INPP4B: variants seen among roughly 807,000 people sequenced by gnomAD.
The protein encoded by INPP4B is inositol polyphosphate 4-phosphatase type II.
Under a neutral mutation model 122.5 loss-of-function variants are expected in INPP4B, and 55 were observed. The ratio of observed to expected loss-of-function variants is 0.45; its 90% CI spans 0.36 to 0.56. The LOEUF (loss-of-function observed/expected upper bound fraction) is 0.56, where lower values mean the gene tolerates loss of function less well. Ranked by LOEUF, INPP4B falls within the 20% of genes least tolerant of loss-of-function variation. The pLI is 0.00. For synonymous variants in INPP4B, 403 were observed against 388.7 expected, an observed-to-expected ratio of 1.04 and a Z score of -0.43; for missense variants, 1,000 against 1,097.7, an observed-to-expected ratio of 0.91 and a Z score of 1.26.
chr4:142,145,785 G>A (rs1347528019), intron 18 of INPP4B, 55 bp downstream of exon 18: 30 of 1,518,794 alleles, frequency 2.0e-5, no homozygotes, highest in East Asian at 9.0e-5. Flanking sequence ...TTTTTTTCAC[G>A]AGTTTCTCAT....
intron 2 of INPP4B, among the ~76,000 whole-genome samples, chr4:142,571,210 C>A (rs183989175): frequency 1.3e-5 from 2 of 151,740 alleles, no homozygotes; most frequent in Non-Finnish European, 2.9e-5. Context: ...TTATTTTTCT[C>A]TTCTCTTCCT....
At chr4:142,775,485 G>GTTCCCTTCCC (rs76024571) in intron 1 of INPP4B, among the ~76,000 whole-genome samples, 3 of 136,078 alleles carry the variant, frequency 2.2e-5, no homozygotes, top group Admixed American at 7.7e-5. Context: ...TGCATATTTT[G>GTTCCCTTCCC]TTCCCTTCCC....
intron 9 of INPP4B, among the ~76,000 whole-genome samples, chr4:142,278,984 C>T (rs1749930614): frequency 6.6e-6 from 1 of 151,830 alleles, no homozygotes; most frequent in African/African-American, 2.4e-5. Context: ...ACAGGTTTCA[C>T]AGGACACAAG....
intron 1 of INPP4B, among the ~76,000 whole-genome samples, chr4:142,782,131 C>G (rs568048271): frequency 7.2e-5 from 11 of 152,084 alleles, no homozygotes; most frequent in East Asian, 5.8e-4. Flanking sequence ...ATCCCTCCCC[C>G]CTTCCCACAC....
intron 21 of INPP4B, among the ~76,000 whole-genome samples, chr4:142,118,068 T>G (rs920016747): frequency 6.6e-6 from 1 of 152,066 alleles, no homozygotes; most frequent in Non-Finnish European, 1.5e-5. Flanking sequence ...ATAAAATAAC[T>G]AGGAATCCAA....
At chr4:142,257,592 A>C (rs76512849) in intron 11 of INPP4B, among the ~76,000 whole-genome samples, 22,354 of 151,960 alleles carry the variant, frequency 0.15, 1,708 homozygotes, top group South Asian at 0.26. Context: ...TCATGAGTGA[A>C]CTCCCATTCA....
chr4:142,527,065 T>C (rs1445963856), intron 2 of INPP4B, among the ~76,000 whole-genome samples: 4 of 152,020 alleles, frequency 2.6e-5, no homozygotes, highest in Non-Finnish European at 5.9e-5. Flanking sequence ...AAACTGCCTA[T>C]TAATTTTGTA....
At chr4:142,450,631 T>C (rs1267012972) in intron 3 of INPP4B, among the ~76,000 whole-genome samples, 2 of 152,236 alleles carry the variant, frequency 1.3e-5, no homozygotes, top group Non-Finnish European at 2.9e-5. Flanking sequence ...GACGTTTATG[T>C]GCCATGCTCT....
At chr4:142,064,741 A>G (rs1347948029) in intron 25 of INPP4B, among the ~76,000 whole-genome samples, 1 of 152,192 alleles carries the variant, frequency 6.6e-6, no homozygotes, top group Non-Finnish European at 1.5e-5. Context: ...AAATAAAACT[A>G]TTAGTGTTAT....
chr4:142,497,354 A>G (rs1223433143), intron 2 of INPP4B, among the ~76,000 whole-genome samples: 6 of 152,164 alleles, frequency 3.9e-5, no homozygotes, highest in African/African-American at 1.4e-4. Context: ...CATTCATTAA[A>G]ACCAATTTTT....
rs1736533650 is a variant in INPP4B, at chr4:142,024,797, G to C, written c.*3985C>G. The C allele has an allele frequency of 6.6e-6, 1 of 152,100 alleles. No individual in the cohort carries two copies. The highest frequency in any genetic ancestry group is 2.4e-5 in the African/African-American group (1 of 41,424). The allele number at this position is 152,100 out of a possible 1,614,324, so 9.4% of individuals were successfully genotyped here. ...GTGAAGTACATTTTTAGTGATATCT[G>C]ATTGGGCTAACAGTTCCCTGAATTT... On this transcript the variant is annotated 3_prime_UTR_variant, in exon 26 of 26. Transcript: ENST00000262992.
intron 1 of INPP4B, among the ~76,000 whole-genome samples, chr4:142,823,436 G>A (rs1378874751): frequency 6.6e-6 from 1 of 152,040 alleles, no homozygotes; most frequent in Non-Finnish European, 1.5e-5. Context: ...TAAAAATACT[G>A]CAAGAATATA....
rs1857370050 is a variant in INPP4B at position 142,237,922 on chromosome 4, G to T, written c.778C>A (p.Leu260Ile). The T allele has an allele frequency of 6.3e-7, 1 of 1,583,310 alleles. No homozygotes were observed. The highest frequency in any genetic ancestry group is 8.7e-7 in the Non-Finnish European group (1 of 1,155,254). ...AATTCCTTAGGAATATGAAAGGAAA[G>T]AATGCTCTCTGACATCTGCTCTCGA... The part of the protein sequence containing the change: ...RIREQMSESI[L>I]SFHIPKELIS... The change falls in exon 12 of 26, where the codon CTT (leucine) becomes ATT (isoleucine). Residue 260 changes from leucine (L) to isoleucine (I), a missense_variant. Physicochemically the swap from Leu to Ile is conservative, Grantham distance 5. Coordinates refer to ENST00000262992, the MANE Select transcript of INPP4B (RefSeq NM_001101669.3).
At chr4:142,475,448 C>G (rs1580161398) in intron 2 of INPP4B, among the ~76,000 whole-genome samples, 1 of 151,954 alleles carries the variant, frequency 6.6e-6, no homozygotes, top group Non-Finnish European at 1.5e-5. Context: ...CTTCTTACCT[C>G]TAAACAACCA....
chr4:142,419,879 T>C (rs1243562244), intron 5 of INPP4B, among the ~76,000 whole-genome samples: 1 of 152,066 alleles, frequency 6.6e-6, no homozygotes, highest in Non-Finnish European at 1.5e-5. Flanking sequence ...CCAACCCTGG[T>C]GGCTTTTGAT....
intron 2 of INPP4B, among the ~76,000 whole-genome samples, chr4:142,632,381 A>G (rs1424716507): frequency 3.3e-5 from 5 of 152,166 alleles, no homozygotes; most frequent in Non-Finnish European, 7.3e-5. Flanking sequence ...GTAGGAGTTA[A>G]GAAAGTAGAT....
At position 142,332,282 on chromosome 4, in the gene INPP4B, T is replaced by A. The variant is rs570200538; in HGVS notation, c.373-17520A>T. Among the ~76,000 whole-genome samples the A allele has an allele frequency of 1.6e-3, 240 of 152,300 alleles. 2 individuals are homozygous for A. Among genetic ancestry groups the A allele is most frequent in the Non-Finnish European group, 2.6e-3 (174 of 68,018 alleles). ...ATGACACTATAATGAGACCCTTTAT[T>A]CTTGGCTTTATTTTCCGTTTAAAAT... On this transcript the variant is annotated intron_variant, in intron 7 of 25. Coordinates refer to ENST00000262992, the MANE Select transcript of INPP4B (RefSeq NM_001101669.3).
chr4:142,247,181 C>T (rs936102673), intron 11 of INPP4B, among the ~76,000 whole-genome samples: 2 of 152,122 alleles, frequency 1.3e-5, no homozygotes, highest in Admixed American at 6.6e-5. Flanking sequence ...TGATATGCTG[C>T]TGGATTCAGT....
At chr4:142,120,376 G>A (rs28605546) in intron 21 of INPP4B, among the ~76,000 whole-genome samples, 19,085 of 151,900 alleles carry the variant, frequency 0.13, 1,370 homozygotes, top group East Asian at 0.23. Flanking sequence ...AAAAGACTAC[G>A]GAGATTTAGA....
Sources: allele counts gnomAD v4.1 joint callset (sites outside exome capture counted in the v4.1 genomes callset), GRCh38; gene constraint gnomAD v4.1.1; transcripts MANE v1.5; gene names NCBI Gene and HGNC (gene_info 2026-07-23, HGNC 2026-07-21).